Variants in SGCD observed in about 807,000 individuals in gnomAD.
SGCD encodes delta-sarcoglycan.
In SGCD, 18 loss-of-function variants were observed where a neutral mutation model predicts 36.6. The observed-to-expected ratio is 0.49, with a 90% confidence interval of 0.34 to 0.73. The LOEUF is 0.73. Among genes scored for constraint, SGCD ranks in the 30% least tolerant of loss-of-function variants. SGCD has a pLI of 0.01. For missense variants in SGCD, 387 were observed against 346.7 expected (o/e 1.12, Z -0.92); for synonymous variants, 133 against 130.6 (o/e 1.02, Z -0.12).
chr5:156,517,529 A>G (rs1275410787), intron 4 of SGCD, among the ~76,000 whole-genome samples: 7 of 152,130 alleles, frequency 4.6e-5, no homozygotes, highest in Non-Finnish European at 1.0e-4. Flanking sequence ...CAACCCCAAG[A>G]CACACAATCA....
chr5:156,074,666 C>A (rs1391484735), intron 1 of SGCD, among the ~76,000 whole-genome samples: 2 of 151,754 alleles, frequency 1.3e-5, no homozygotes, highest in African/African-American at 4.8e-5. Flanking sequence ...GGCAAGAAAG[C>A]GAGAATCCAT....
At chr5:156,096,556 C>T (rs1398024382) in intron 1 of SGCD, among the ~76,000 whole-genome samples, 1 of 152,168 alleles carries the variant, frequency 6.6e-6, no homozygotes, top group African/African-American at 2.4e-5. Context: ...CTGACACAAT[C>T]CTTGGCCCAA....
chr5:156,451,242 G>A (rs1414216100), intron 3 of SGCD, among the ~76,000 whole-genome samples: 1 of 152,092 alleles, frequency 6.6e-6, no homozygotes, highest in Admixed American at 6.6e-5. Flanking sequence ...ACATACTTGT[G>A]GACAAGATGG....
chr5:156,214,922 C>T (rs1764535977), intron 3 of SGCD, among the ~76,000 whole-genome samples: 1 of 152,066 alleles, frequency 6.6e-6, no homozygotes, highest in Non-Finnish European at 1.5e-5. Context: ...AGACCCTCAT[C>T]TTACATCAGA....
chr5:156,506,322 T>A (rs1454525371), intron 3 of SGCD, among the ~76,000 whole-genome samples: 1 of 151,810 alleles, frequency 6.6e-6, no homozygotes, highest in Non-Finnish European at 1.5e-5. Context: ...AAGTTTCATG[T>A]TAAATCATGT....
chr5:156,751,995 A>G (rs1471419151), intron 7 of SGCD, among the ~76,000 whole-genome samples: 1 of 152,238 alleles, frequency 6.6e-6, no homozygotes, highest in African/African-American at 2.4e-5. Flanking sequence ...TGGTTGCACC[A>G]TTTGTAAAAA....
At chr5:156,393,528 T>G (rs970837330) in intron 3 of SGCD, among the ~76,000 whole-genome samples, 2 of 152,268 alleles carry the variant, frequency 1.3e-5, no homozygotes, top group Non-Finnish European at 2.9e-5. Flanking sequence ...TTTAGTTTAT[T>G]GTATCTGTGT....
the SGCD span, among the ~76,000 whole-genome samples, chr5:155,780,992 C>T: frequency 6.6e-6 from 1 of 151,838 alleles, no homozygotes; most frequent in Non-Finnish European, 1.5e-5. Flanking sequence ...ACCATGCTGT[C>T]TTATTTTTCC....
chr5:156,250,969 A>G (rs568877211), intron 3 of SGCD, among the ~76,000 whole-genome samples: 1 of 152,222 alleles, frequency 6.6e-6, no homozygotes, highest in African/African-American at 2.4e-5. Flanking sequence ...GAGTTTAATG[A>G]TTTATTTTGC....
intron 1 of SGCD, among the ~76,000 whole-genome samples, chr5:156,004,949 C>T (rs1758728346): frequency 6.6e-6 from 1 of 152,086 alleles, no homozygotes; most frequent in African/African-American, 2.4e-5. Context: ...TTCCCAGTAG[C>T]GGAGTGATAA....
At chr5:155,733,599 A>G in the SGCD span, among the ~76,000 whole-genome samples, 1 of 151,700 alleles carries the variant, frequency 6.6e-6, no homozygotes, top group Non-Finnish European at 1.5e-5. Flanking sequence ...GGAATACCTT[A>G]TATTTTTAAA....
intron 3 of SGCD, among the ~76,000 whole-genome samples, chr5:156,139,460 T>C (rs1762525832): frequency 6.6e-6 from 1 of 152,160 alleles, no homozygotes; most frequent in South Asian, 2.1e-4. Context: ...CTTGTTTCTC[T>C]GCTTCTCTTA....
chr5:155,751,853 C>T, the SGCD span, among the ~76,000 whole-genome samples: 1 of 152,136 alleles, frequency 6.6e-6, no homozygotes, highest in Non-Finnish European at 1.5e-5. Context: ...CTAGTCTGAT[C>T]ATCCAAAGGC....
At chr5:155,763,089 T>A in the SGCD span, among the ~76,000 whole-genome samples, 1 of 152,240 alleles carries the variant, frequency 6.6e-6, no homozygotes, top group Admixed American at 6.5e-5. Context: ...TTGTTTCTTT[T>A]GTTTTAATTT....
chr5:156,348,926 A>G (rs1031568231), intron 3 of SGCD, among the ~76,000 whole-genome samples: 1 of 152,296 alleles, frequency 6.6e-6, no homozygotes, highest in East Asian at 1.9e-4. Context: ...GGAACCGAAG[A>G]GAGAACCGAG....
chr5:155,776,119 C>T, the SGCD span, among the ~76,000 whole-genome samples: 2 of 152,130 alleles, frequency 1.3e-5, no homozygotes, highest in Admixed American at 6.5e-5. Context: ...ATTTATTCTT[C>T]ACAGATTATC....
chr5:156,694,768 A>C (rs998308737), intron 7 of SGCD, among the ~76,000 whole-genome samples: 1 of 152,188 alleles, frequency 6.6e-6, no homozygotes, highest in Non-Finnish European at 1.5e-5. Flanking sequence ...TTTTTTAATT[A>C]GGCCCGTCTG....
upstream of SGCD, among the ~76,000 whole-genome samples, chr5:155,866,042 G>A (rs983586508): frequency 6.6e-6 from 1 of 152,148 alleles, no homozygotes; most frequent in African/African-American, 2.4e-5. Context: ...TCAAACAGTT[G>A]CACAAACAGT....
chr5:156,087,059 T>C (rs924486187), intron 1 of SGCD, among the ~76,000 whole-genome samples: 9 of 152,200 alleles, frequency 5.9e-5, no homozygotes, highest in African/African-American at 2.2e-4. Context: ...AAGTCTATCT[T>C]GCATTCCCAT....
Sources: allele counts gnomAD v4.1 joint callset (sites outside exome capture counted in the v4.1 genomes callset), GRCh38; gene constraint gnomAD v4.1.1; transcripts MANE v1.5; gene names NCBI Gene and HGNC (gene_info 2026-07-23, HGNC 2026-07-21).